BCL2L1: variants seen among roughly 807,000 people sequenced by gnomAD.
BCL2L1 encodes bcl-2-like protein 1.
Under a neutral mutation model 18.7 loss-of-function variants are expected in BCL2L1, and 1 was observed. The ratio of observed to expected loss-of-function variants is 0.05; its 90% CI spans 0.02 to 0.25. The LOEUF is 0.25. BCL2L1 is among the 10% of genes least tolerant of loss of function. The pLI, the probability that BCL2L1 is intolerant of heterozygous loss-of-function variation, is 1.00. For synonymous variants in BCL2L1, 103 were observed against 122.7 expected, an observed-to-expected ratio of 0.84 and a Z score of 1.06; for missense variants, 207 against 304.9, an observed-to-expected ratio of 0.68 and a Z score of 2.39.
intron 2 of BCL2L1, among the ~76,000 whole-genome samples, chr20:31,684,471 G>A (rs2060922181): frequency 6.6e-6 from 1 of 152,144 alleles, no homozygotes; most frequent in Non-Finnish European, 1.5e-5. Flanking sequence ...ACAGGCGTGG[G>A]GTTCAGGTGT....
intron 2 of BCL2L1, among the ~76,000 whole-genome samples, chr20:31,689,291 G>C (rs2061018594): frequency 9.5e-6 from 1 of 105,050 alleles, no homozygotes; most frequent in Non-Finnish European, 2.0e-5. Context: ...GGGAGGGGAG[G>C]GAAGGAAGAA....
In BCL2L1 at chr20:31,703,535, A is replaced by C. The variant is rs534092820; in HGVS notation, c.564+18120T>G. Among the ~76,000 whole-genome samples the C allele has an allele frequency of 2.8e-4, 41 of 147,808 alleles. No individual in the cohort carries two copies. In the South Asian group the frequency reaches 7.1e-3, roughly 26 times the overall value. Reference sequence around the variant, plus strand: ...AGACAAGAGTCTCACTCTGTTGCCCAGGCTGGCGTGCAGTGGTGCAATCTC... The same window carrying C: ...AGACAAGAGTCTCACTCTGTTGCCCCGGCTGGCGTGCAGTGGTGCAATCTC... On this transcript the variant is annotated intron_variant, in intron 2 of 2. Coordinates refer to ENST00000307677, the MANE Select transcript of BCL2L1 (RefSeq NM_138578.3).
At chr20:31,675,569 G>A (rs918153122) in intron 2 of BCL2L1, among the ~76,000 whole-genome samples, 2 of 152,160 alleles carry the variant, frequency 1.3e-5, no homozygotes, top group Non-Finnish European at 2.9e-5. Flanking sequence ...GTTGGCTCCC[G>A]AGATGTGAGA....
chr20:31,713,237 G>T (rs1158585434), intron 2 of BCL2L1: 1 of 976,484 alleles, frequency 1.0e-6, no homozygotes, highest in African/African-American at 1.8e-5. Context: ...CTAGGGTAGG[G>T]GGTAATGGCC....
At chr20:31,671,115 T>C (rs1177807338) in intron 2 of BCL2L1, among the ~76,000 whole-genome samples, 1 of 152,028 alleles carries the variant, frequency 6.6e-6, no homozygotes, top group Admixed American at 6.6e-5. Context: ...CTGACTTCCA[T>C]GTGGGGGTTT....
chr20:31,702,854 G>A (rs2061302817), intron 2 of BCL2L1, among the ~76,000 whole-genome samples: 1 of 148,744 alleles, frequency 6.7e-6, no homozygotes. Context: ...TTTGAGGCAG[G>A]AGAACCGCTT....
intron 2 of BCL2L1, among the ~76,000 whole-genome samples, chr20:31,689,546 G>T (rs562544883): frequency 6.6e-6 from 1 of 152,146 alleles, no homozygotes; most frequent in South Asian, 2.1e-4. Context: ...GGCTCTAGGA[G>T]AAGGGCTGGC....
At chr20:31,701,026 C>T (rs2061269984) in intron 2 of BCL2L1, among the ~76,000 whole-genome samples, 1 of 152,076 alleles carries the variant, frequency 6.6e-6, no homozygotes, top group South Asian at 2.1e-4. Flanking sequence ...TAGGTGCAGT[C>T]TGGGACAATC....
At chr20:31,672,433 C>T (rs376685132) in intron 2 of BCL2L1, among the ~76,000 whole-genome samples, 1 of 151,420 alleles carries the variant, frequency 6.6e-6, no homozygotes, top group East Asian at 1.9e-4. Flanking sequence ...TATTGTACTC[C>T]AGTCTGGGCA....
intron 2 of BCL2L1, among the ~76,000 whole-genome samples, chr20:31,681,089 G>GTAGCCTCCAGTGAGGAGGC (rs2060852325): frequency 6.6e-6 from 1 of 152,248 alleles, no homozygotes; most frequent in Admixed American, 6.5e-5. Flanking sequence ...GAGACTGGTG[G>GTAGCCTCCAGTGAGGAGGC]TGATGAGATC....
At chr20:31,713,440 C>T (rs1343896342) in intron 2 of BCL2L1, 2 of 985,240 alleles carry the variant, frequency 2.0e-6, no homozygotes, top group Non-Finnish European at 2.4e-6. Flanking sequence ...TTTCCACACT[C>T]TTGCCGGCAG....
At chr20:31,690,112 G>T (rs935463211) in intron 2 of BCL2L1, among the ~76,000 whole-genome samples, 1 of 152,128 alleles carries the variant, frequency 6.6e-6, no homozygotes, top group Non-Finnish European at 1.5e-5. Context: ...CTGTGACAGG[G>T]TCTCACTCTC....
In BCL2L1 at chr20:31,721,686, A is replaced by C; in HGVS notation, c.533T>G (p.Leu178Arg). The C allele has an allele frequency of 3.1e-6, 5 of 1,612,080 alleles. No homozygotes were observed. The Admixed American group carries it at 5.0e-5, about 16-fold the overall frequency. ...GCCGTTCTCCTGGATCCAAGGCTCT[A>C]GGTGGTCATTCAGGTAAGTGGCCAT... The part of the protein sequence containing the change: ...AWMATYLNDH[L>R]EPWIQENGGW... Residue 178 changes from leucine (L) to arginine (R), a missense_variant, in exon 2 of 3, where the codon CTA becomes CGA. Leu to Arg is a moderately radical substitution (Grantham distance 102). Transcript: ENST00000307677.
chr20:31,697,147 T>C (rs1287643072), intron 2 of BCL2L1, among the ~76,000 whole-genome samples: 1 of 151,876 alleles, frequency 6.6e-6, no homozygotes, highest in African/African-American at 2.4e-5. Flanking sequence ...TCACAGGGCA[T>C]ATGGCTCCTT....
At chr20:31,721,146 C>A (rs932225868) in intron 2 of BCL2L1, among the ~76,000 whole-genome samples, 1 of 152,182 alleles carries the variant, frequency 6.6e-6, no homozygotes, top group Non-Finnish European at 1.5e-5. Flanking sequence ...GAGGAGAGTG[C>A]CATACACGCA....
At chr20:31,720,761 G>A (rs1447856332) in intron 2 of BCL2L1, 9 of 985,230 alleles carry the variant, frequency 9.1e-6, no homozygotes, top group Non-Finnish European at 1.1e-5. Context: ...TGACAGAACT[G>A]GAACTTATAC....
chr20:31,716,194 T>C (rs563674641), intron 2 of BCL2L1, among the ~76,000 whole-genome samples: 1 of 152,308 alleles, frequency 6.6e-6, no homozygotes, highest in Non-Finnish European at 1.5e-5. Flanking sequence ...TTAATCTGTC[T>C]ATGTCAATTT....
chr20:31,723,453 CG>C, upstream of BCL2L1: 1 of 985,372 alleles, frequency 1.0e-6, no homozygotes, highest in Non-Finnish European at 1.2e-6. Flanking sequence ...GGGAGGGCTC[CG>C]GGGCCGGGGG....
chr20:31,723,320 G>C, upstream of BCL2L1: 1 of 985,696 alleles, frequency 1.0e-6, no homozygotes, highest in Non-Finnish European at 1.2e-6. Context: ...ACAAAGACTG[G>C]GTGAGGGTGA....
Sources: gnomAD v4.1 joint callset for allele counts (sites outside exome capture counted in the v4.1 genomes callset) on GRCh38, gnomAD v4.1.1 for gene constraint, MANE v1.5 for transcripts, NCBI Gene and HGNC (gene_info 2026-07-23, HGNC 2026-07-21) for gene names.